STX12: variants seen among roughly 807,000 people sequenced by gnomAD.
STX12 encodes the protein syntaxin 12.
In STX12, 17 loss-of-function variants were observed where a neutral mutation model predicts 42.2. The observed-to-expected ratio is 0.40, with a 90% CI of 0.28 to 0.60. STX12 has a LOEUF of 0.60. Among genes scored for constraint, STX12 ranks in the 20% least tolerant of loss-of-function variants. The pLI is 0.39. For missense variants in STX12, 297 were observed against 330.9 expected, an observed-to-expected ratio of 0.90 and a Z score of 0.79; for synonymous variants, 108 against 116.7, an observed-to-expected ratio of 0.93 and a Z score of 0.48.
At chr1:27,790,757 CA>C (rs2088734610) in intron 2 of STX12, among the ~76,000 whole-genome samples, 2 of 151,794 alleles carry the variant, frequency 1.3e-5, no homozygotes, top group African/African-American at 4.8e-5. Context: ...GCCTGGCCAA[CA>C]TGATGAAACC....
At chr1:27,780,066 C>T (rs369161084) in intron 1 of STX12, among the ~76,000 whole-genome samples, 20 of 152,044 alleles carry the variant, frequency 1.3e-4, no homozygotes, top group African/African-American at 3.9e-4. Context: ...GCTGGGATTA[C>T]AAGCATGAGT....
At chr1:27,804,834 A>G (rs956023106) in intron 4 of STX12, among the ~76,000 whole-genome samples, 6 of 152,014 alleles carry the variant, frequency 3.9e-5, no homozygotes, top group African/African-American at 1.4e-4. Context: ...GGAAGAAAGA[A>G]CTGCCAGAGA....
intron 1 of STX12, chr1:27,773,967 C>A (rs1033089841): frequency 6.6e-6 from 1 of 152,196 alleles, no homozygotes; most frequent in Non-Finnish European, 1.5e-5. Flanking sequence ...GTAATGAATT[C>A]GGAAATCAGA....
At chr1:27,810,165 A>G in intron 4 of STX12, 81 bp from the exon 5 acceptor site, 1 of 1,293,250 alleles carries the variant, frequency 7.7e-7, no homozygotes, top group South Asian at 1.2e-5. Flanking sequence ...GCTTCTTTAT[A>G]CTGTGCTAAG....
rs1271543335 is a variant in STX12, at chr1:27,792,240, GTATC to G, written c.189-1289_189-1286del. Among the ~76,000 whole-genome samples the G allele has an allele frequency of 4.3e-5, 5 of 115,556 alleles. 1 individual carries two copies. Among genetic ancestry groups the G allele is most frequent in the Admixed American group, 9.4e-5 (1 of 10,680 alleles). 75.8% of individuals were successfully genotyped at this position (115,556 alleles called of 152,430 possible). On this transcript the variant is annotated intron_variant, in intron 2 of 8. Coordinates refer to ENST00000373943, the MANE Select transcript of STX12 (RefSeq NM_177424.3). The stretch of plus-strand genomic sequence containing the variant: ...TATATATATGTATATACATATATAT[GTATC>G]TATATATATGTAGATACATATATAT...
intron 5 of STX12, 25 bp from the exon 6 acceptor site, chr1:27,812,138 A>C (rs1571531364): frequency 1.3e-6 from 2 of 1,541,108 alleles, no homozygotes. Flanking sequence ...AGGAGAAATC[A>C]CCTAGTGTGC....
At chr1:27,788,711 A>G (rs1346038212) in intron 1 of STX12, among the ~76,000 whole-genome samples, 1 of 152,100 alleles carries the variant, frequency 6.6e-6, no homozygotes, top group East Asian at 1.9e-4. Context: ...TACCTGCAAA[A>G]TGGAAGTATA....
chr1:27,811,981 G>C, intron 5 of STX12, 182 bp from the exon 6 acceptor site: 2 of 671,044 alleles, frequency 3.0e-6, no homozygotes, highest in Non-Finnish European at 5.6e-6. Context: ...TTGTTTTCCT[G>C]ATATCATCAG....
chr1:27,818,069 TAAAAA>T (rs2088955123), intron 7 of STX12, 146 bp downstream of exon 7: 2 of 643,504 alleles, frequency 3.1e-6, no homozygotes, highest in East Asian at 2.8e-5. Flanking sequence ...ATTTGTCTCT[TAAAAA>T]AGAAAGAAAG....
intron 6 of STX12, among the ~76,000 whole-genome samples, chr1:27,815,222 C>T (rs1281351106): frequency 6.6e-6 from 1 of 152,070 alleles, no homozygotes; most frequent in East Asian, 1.9e-4. Flanking sequence ...TACCAAGGGA[C>T]GAATGTACCG....
rs779641637 is a variant in STX12, at chr1:27,812,075, T to C, written c.471-88T>C. ...CTGGAGCCCTGGTAATGTCTTTGCA[T>C]AGGTTCTGCTGGCAGTAGAGATGTT... On this transcript the variant is annotated intron_variant, in intron 5 of 8. Transcript: ENST00000373943. The C allele has an allele frequency of 1.5e-5, 16 of 1,091,392 alleles. No individual in the cohort carries two copies. The Middle Eastern group carries it at 9.8e-4, about 67-fold the overall frequency. The allele number at this position is 1,091,392 out of a possible 1,614,324, so 67.6% of individuals were successfully genotyped here.
intron 2 of STX12, 85 bp downstream of exon 2, chr1:27,789,716 G>A: frequency 9.8e-7 from 1 of 1,024,580 alleles, no homozygotes; most frequent in Non-Finnish European, 1.5e-6. Flanking sequence ...TAGGTTTCAG[G>A]TCTGGGAAGT....
chr1:27,799,835 C>G lies in STX12; in HGVS notation c.289-1843C>G, dbSNP rs545432078. Among the ~76,000 whole-genome samples the G allele has an allele frequency of 2.9e-3, 449 of 152,256 alleles. 4 individuals are homozygous for G. The highest frequency in any genetic ancestry group is 0.01 in the African/African-American group (422 of 41,536). ...TGGCACGATCTCAGCTCACTGCAAC[C>G]TCCACCTCCTGGTTCAAGCAATTCT... On this transcript the variant is annotated intron_variant, in intron 3 of 8. Transcript: ENST00000373943.
At chr1:27,802,317 A>T (rs990545772) in intron 4 of STX12, among the ~76,000 whole-genome samples, 1 of 152,216 alleles carries the variant, frequency 6.6e-6, no homozygotes, top group African/African-American at 2.4e-5. Flanking sequence ...TGATATCCTC[A>T]TGGCATGGGG....
intron 1 of STX12, among the ~76,000 whole-genome samples, chr1:27,775,251 C>T (rs941468613): frequency 6.6e-6 from 1 of 152,018 alleles, no homozygotes; most frequent in Non-Finnish European, 1.5e-5. Flanking sequence ...AAGGTAGATC[C>T]GACATACAGT....
intron 2 of STX12, among the ~76,000 whole-genome samples, chr1:27,790,096 A>G (rs1167823672): frequency 6.6e-6 from 1 of 152,226 alleles, no homozygotes; most frequent in Admixed American, 6.5e-5. Flanking sequence ...TCTACTGAAG[A>G]TGTACAGACT....
In STX12 at chr1:27,807,165, G is replaced by A. The variant is rs537687809; in HGVS notation, c.427-3081G>A. Reference sequence around the variant, plus strand: ...GTAATAATTACACCATGGTAAATGGGGTGTCTATCCCCTCAAGCATTTATC... The same window carrying A: ...GTAATAATTACACCATGGTAAATGGAGTGTCTATCCCCTCAAGCATTTATC... On this transcript the variant is annotated intron_variant, in intron 4 of 8. Coordinates refer to ENST00000373943, the MANE Select transcript of STX12 (RefSeq NM_177424.3). Among the ~76,000 whole-genome samples the A allele has an allele frequency of 2.0e-5, 3 of 151,816 alleles. No homozygotes were observed. The East Asian group carries it at 5.8e-4, about 29-fold the overall frequency.
intron 4 of STX12, among the ~76,000 whole-genome samples, chr1:27,806,050 G>C (rs1325929739): frequency 1.3e-5 from 2 of 152,050 alleles, no homozygotes; most frequent in East Asian, 1.9e-4. Flanking sequence ...GAGTTATGCA[G>C]CTCTTCCAAA....
chr1:27,797,861 A>C (rs1031635927), intron 3 of STX12, among the ~76,000 whole-genome samples: 4 of 148,164 alleles, frequency 2.7e-5, no homozygotes, highest in Admixed American at 2.7e-4. Flanking sequence ...AGGGGAAAAA[A>C]AATTCTGAAG....
Sources: gnomAD v4.1 joint callset for allele counts (sites outside exome capture counted in the v4.1 genomes callset) on GRCh38, gnomAD v4.1.1 for gene constraint, MANE v1.5 for transcripts, NCBI Gene and HGNC (gene_info 2026-07-23, HGNC 2026-07-21) for gene names.